Variants in GSE1 observed in about 807,000 individuals in gnomAD.
GSE1 encodes the protein Gse1 coiled-coil protein, also known as genetic suppressor element 1.
In GSE1, 32 loss-of-function variants were observed where a neutral mutation model predicts 112.6. The observed-to-expected ratio is 0.28, with a 90% CI of 0.21 to 0.38. The LOEUF (loss-of-function observed/expected upper bound fraction) is 0.38, where lower values mean the gene tolerates loss of function less well. Among genes scored for constraint, GSE1 ranks in the 10% least tolerant of loss-of-function variants. The pLI is 1.00. For synonymous variants in GSE1, 1,115 were observed against 735.6 expected, an observed-to-expected ratio of 1.52 and a Z score of -8.35; for missense variants, 2,348 against 1,699.2, an observed-to-expected ratio of 1.38 and a Z score of -6.71.
intron 1 of GSE1, among the ~76,000 whole-genome samples, chr16:85,583,145 A>G (rs568189288): frequency 1.3e-5 from 2 of 152,244 alleles, no homozygotes; most frequent in South Asian, 2.1e-4. Flanking sequence ...GGACGGTAGG[A>G]AACGCTGGCC....
At chr16:85,385,715 C>T (rs1337753903) in intron 2 of GSE1, among the ~76,000 whole-genome samples, 1 of 152,248 alleles carries the variant, frequency 6.6e-6, no homozygotes, top group Non-Finnish European at 1.5e-5. Flanking sequence ...TCTCGCGAGG[C>T]AGCCGGCCAT....
At chr16:85,342,950 C>G (rs150218645) in intron 1 of GSE1, among the ~76,000 whole-genome samples, 1 of 151,816 alleles carries the variant, frequency 6.6e-6, no homozygotes, top group African/African-American at 2.4e-5. Context: ...CAGAGAAAGC[C>G]GGGCACAGGC....
At chr16:85,318,486 A>C (rs1567684830) in intron 1 of GSE1, among the ~76,000 whole-genome samples, 1 of 152,150 alleles carries the variant, frequency 6.6e-6, no homozygotes, top group South Asian at 2.1e-4. Flanking sequence ...GCTGGTCTCA[A>C]ACTCCTGGGA....
chr16:85,228,124 C>T (rs1005242665), intron 1 of GSE1, among the ~76,000 whole-genome samples: 5 of 152,124 alleles, frequency 3.3e-5, no homozygotes, highest in Non-Finnish European at 5.9e-5. Flanking sequence ...GCAGAGGCCC[C>T]GAGGCAGGAG....
intron 2 of GSE1, among the ~76,000 whole-genome samples, chr16:85,534,171 G>T (rs2044243459): frequency 6.7e-6 from 1 of 149,046 alleles, no homozygotes; most frequent in Non-Finnish European, 1.5e-5. Flanking sequence ...GCCCAGGCTG[G>T]AGTGCAGTGG....
chr16:85,216,065 G>C (rs1354316747), intron 1 of GSE1, among the ~76,000 whole-genome samples: 2 of 152,228 alleles, frequency 1.3e-5, no homozygotes, highest in Non-Finnish European at 2.9e-5. Flanking sequence ...AGCCCCTCCT[G>C]TCCCACCCTG....
chr16:85,507,454 G>A (rs1271873011), intron 2 of GSE1, among the ~76,000 whole-genome samples: 3 of 152,320 alleles, frequency 2.0e-5, no homozygotes, highest in East Asian at 1.9e-4. Flanking sequence ...AGGGTTACTC[G>A]CCCTTGCCCA....
At chr16:85,486,426 G>A (rs1045888546) in intron 2 of GSE1, among the ~76,000 whole-genome samples, 32 of 152,354 alleles carry the variant, frequency 2.1e-4, no homozygotes, top group Admixed American at 1.7e-3. Flanking sequence ...CCGTTACCTG[G>A]CAGCACAGCT....
intron 2 of GSE1, among the ~76,000 whole-genome samples, chr16:85,478,169 T>A (rs956303239): frequency 6.6e-6 from 1 of 152,210 alleles, no homozygotes; most frequent in Non-Finnish European, 1.5e-5. Flanking sequence ...GCATTGCATC[T>A]TCACGGTTCG....
rs1555510131 is a variant in GSE1 at position 85,426,480 on chromosome 16, G to GGGAC, written c.2464+68839_2464+68840insACGG. On this transcript the variant is annotated intron_variant, in intron 2 of 2. Coordinates refer to the GSE1 transcript ENST00000637419. ...AGGGAGAAAGGGAGGGAGGGAGGGA[G>GGGAC]GGTAGATGTGTATATGGATGGATGG... Among the ~76,000 whole-genome samples the GGGAC allele has an allele frequency of 6.8e-4, 96 of 141,760 alleles. 1 individual carries two copies. Among genetic ancestry groups the GGGAC allele is most frequent in the African/African-American group, 1.9e-3 (71 of 37,320 alleles). 93.0% of individuals were successfully genotyped at this position (141,760 alleles called of 152,430 possible).
chr16:85,468,761 T>G (rs2050197792), intron 2 of GSE1, among the ~76,000 whole-genome samples: 1 of 152,142 alleles, frequency 6.6e-6, no homozygotes, highest in Non-Finnish European at 1.5e-5. Context: ...TTTCCCCATC[T>G]CCTGATGTCT....
At chr16:85,509,060 G>A (rs2051642453) in intron 2 of GSE1, among the ~76,000 whole-genome samples, 1 of 152,234 alleles carries the variant, frequency 6.6e-6, no homozygotes, top group Non-Finnish European at 1.5e-5. Context: ...AGGAAGAGGA[G>A]GGATCCAGGT....
chr16:85,229,114 G>A (rs1340145916), intron 1 of GSE1, among the ~76,000 whole-genome samples: 1 of 152,224 alleles, frequency 6.6e-6, no homozygotes, highest in Admixed American at 6.5e-5. Flanking sequence ...TGGGGGTGGC[G>A]GCATCGTGGG....
At chr16:85,463,450 G>A (rs959747272) in intron 2 of GSE1, among the ~76,000 whole-genome samples, 2 of 152,062 alleles carry the variant, frequency 1.3e-5, no homozygotes, top group East Asian at 1.9e-4. Context: ...CACCGGGCTT[G>A]CTGCACCGCA....
At chr16:85,397,903 AC>A (rs1450610738) in intron 2 of GSE1, among the ~76,000 whole-genome samples, 1 of 144,714 alleles carries the variant, frequency 6.9e-6, no homozygotes, top group Admixed American at 6.9e-5. Context: ...AGCCCCGCAG[AC>A]CAGGGGCTGC....
intron 2 of GSE1, among the ~76,000 whole-genome samples, chr16:85,469,834 C>T (rs1286892657): frequency 1.3e-5 from 2 of 152,230 alleles, no homozygotes; most frequent in Admixed American, 1.3e-4. Context: ...AGCGGGTCCC[C>T]TAACCTCAGA....
chr16:85,573,174 T>G (rs138502396), intron 1 of GSE1, among the ~76,000 whole-genome samples: 284 of 152,292 alleles, frequency 1.9e-3, no homozygotes, highest in African/African-American at 6.4e-3. Context: ...CATCCCTTTC[T>G]TTTTTTAAAG....
At chr16:85,669,163 C>T (rs1439770417) in intron 14 of GSE1, among the ~76,000 whole-genome samples, 1 of 152,244 alleles carries the variant, frequency 6.6e-6, no homozygotes. Context: ...TTGCACAGGC[C>T]CCTTTGGGGA....
chr16:85,584,221 G>A lies in GSE1; in HGVS notation c.37+27858G>A, dbSNP rs192842563. ...TGCGTGTTCCCCAAGATGCCAGGCTGGTTCGGGGCCCCTGGCTCCCCTCTT... is the reference window on the plus strand; with the variant it reads ...TGCGTGTTCCCCAAGATGCCAGGCTAGTTCGGGGCCCCTGGCTCCCCTCTT... On this transcript the variant is annotated intron_variant, in intron 1 of 2. Coordinates refer to the GSE1 transcript ENST00000635906. 1.3e-4 allele frequency among the ~76,000 whole-genome samples: 20 copies of A among 152,294 alleles called. No individual in the cohort carries two copies. The East Asian group carries it at 3.1e-3, about 24-fold the overall frequency.
Sources: allele counts gnomAD v4.1 joint callset (sites outside exome capture counted in the v4.1 genomes callset), GRCh38; gene constraint gnomAD v4.1.1; transcripts MANE v1.5; gene names NCBI Gene and HGNC (gene_info 2026-07-23, HGNC 2026-07-21).